Variants in ABL2 observed in about 807,000 individuals in gnomAD.
ABL2 encodes tyrosine-protein kinase ABL2.
In ABL2, 49 loss-of-function variants were observed where a neutral mutation model predicts 107.7. That is an observed-to-expected ratio of 0.45 (90% CI 0.36 to 0.58). The LOEUF (loss-of-function observed/expected upper bound fraction) is 0.58. Among genes scored for constraint, ABL2 ranks in the 20% least tolerant of loss-of-function variants. The pLI, the probability that ABL2 is intolerant of heterozygous loss-of-function variation, is 0.00. For synonymous variants in ABL2, 549 were observed against 548.6 expected, an observed-to-expected ratio of 1.00 and a Z score of -0.01; for missense variants, 1,245 against 1,457.0, an observed-to-expected ratio of 0.85 and a Z score of 2.37.
rs1468030561 is a variant in ABL2 at position 179,109,114 on chromosome 1, T to C, written c.2153A>G (p.Tyr718Cys). 5.1e-6 allele frequency: 7 copies of C among 1,365,870 alleles called. No individual in the cohort carries two copies. The highest frequency in any genetic ancestry group is 4.3e-5 in the Admixed American group (2 of 46,638). The allele number at this position is 1,365,870 out of a possible 1,614,324, so 84.6% of individuals were successfully genotyped here. A position where few individuals can be genotyped will look rare whatever the true frequency, so the allele number is the denominator to read the frequency against. ...QEANLVPPKC[Y>C]GGSFAQRNLC... Reference sequence around the variant, plus strand: ...GTTCCTCTGTGCAAAGCTCCCCCCATAGCACTTGGGTGGCACCAGATTCGC... The same window carrying C: ...GTTCCTCTGTGCAAAGCTCCCCCCACAGCACTTGGGTGGCACCAGATTCGC... The change falls in exon 12 of 12, where the codon TAT becomes TGT. Residue 718 changes from tyrosine (Y) to cysteine (C), a missense_variant. Physicochemically the swap from Tyr to Cys is radical, Grantham distance 194. Coordinates refer to ENST00000502732, the MANE Select transcript of ABL2 (RefSeq NM_007314.4).
At chr1:179,223,743 A>T (rs1471801900) in intron 1 of ABL2, among the ~76,000 whole-genome samples, 1 of 152,120 alleles carries the variant, frequency 6.6e-6, no homozygotes, top group African/African-American at 2.4e-5. Context: ...AGTCACCACA[A>T]TTAAAATTCC....
chr1:179,149,571 T>A (rs1044865227), intron 1 of ABL2, among the ~76,000 whole-genome samples: 8 of 152,234 alleles, frequency 5.3e-5, no homozygotes, highest in African/African-American at 7.2e-5. Context: ...AAAGGACAGG[T>A]TGATTCTCTG....
At chr1:179,112,756 A>AT (rs747910142) in intron 9 of ABL2, among the ~76,000 whole-genome samples, 1,592 of 134,572 alleles carry the variant, frequency 0.012, 17 homozygotes, top group African/African-American at 0.032. Flanking sequence ...CGCCCAGCTA[A>AT]TTTTTTTTTT....
intron 1 of ABL2, among the ~76,000 whole-genome samples, chr1:179,147,361 G>C (rs1366136209): frequency 6.6e-6 from 1 of 151,932 alleles, no homozygotes; most frequent in Admixed American, 6.6e-5. Flanking sequence ...CCCACTACTG[G>C]GTATCTACCC....
Position 179,133,409 on chromosome 1 carries a change from T to A in ABL2, c.158-35A>T, listed in dbSNP as rs748030160. 2.5e-6 allele frequency: 4 copies of A among 1,613,902 alleles called. No homozygotes were observed. The African/African-American group carries it at 5.3e-5, about 22-fold the overall frequency. ...AAAAAAATTGACCACGTCACTTTTC[T>A]TAAGCTTCTTCAATAGTTTAACATC... On this transcript the variant is annotated intron_variant, in intron 1 of 11. Transcript: ENST00000502732.
At chr1:179,166,270 T>A (rs936828916) in intron 1 of ABL2, among the ~76,000 whole-genome samples, 1 of 152,038 alleles carries the variant, frequency 6.6e-6, no homozygotes, top group African/African-American at 2.4e-5. Flanking sequence ...AAAAAAAGCT[T>A]CTGCACAGCA....
At chr1:179,205,726 G>C (rs1028266037) in intron 1 of ABL2, among the ~76,000 whole-genome samples, 1 of 152,180 alleles carries the variant, frequency 6.6e-6, no homozygotes, top group African/African-American at 2.4e-5. Flanking sequence ...GGCGGGTAAG[G>C]GGGATTGTTG....
chr1:179,148,199 C>T (rs1178922666), intron 1 of ABL2, among the ~76,000 whole-genome samples: 2 of 151,960 alleles, frequency 1.3e-5, no homozygotes, highest in African/African-American at 4.8e-5. Context: ...CCATCACCCC[C>T]GGCTAATTTT....
In ABL2 at chr1:179,229,254, G is replaced by A. The variant is rs923070533; in HGVS notation, c.144C>T (p.Ile48=). The change falls in exon 1 of 12, where the codon ATC becomes ATT. Residue 48 remains isoleucine, a synonymous_variant. Coordinates refer to ENST00000502732, the MANE Select transcript of ABL2 (RefSeq NM_007314.4). ...AGACACACTCACCATGCTGGGTGAA[G>A]ATATTGAAGCCGGTCTCTGTGGTGC... The part of the protein sequence containing the change: ...AGRTTETGFN[I]FTQHDHFASC... 3.2e-6 allele frequency: 5 copies of A among 1,547,618 alleles called. No homozygotes were observed. The highest frequency in any genetic ancestry group is 1.4e-5 in the African/African-American group (1 of 71,048).
intron 1 of ABL2, among the ~76,000 whole-genome samples, chr1:179,213,585 G>A (rs1443169512): frequency 1.3e-5 from 2 of 152,112 alleles, no homozygotes; most frequent in Non-Finnish European, 2.9e-5. Flanking sequence ...ACAGGTGTGA[G>A]CCACCACTCC....
rs1655717132 is a variant in ABL2 at position 179,126,328 on chromosome 1, TCA to T, written c.687+47_687+48del. The T allele has an allele frequency of 3.2e-6, 5 of 1,551,832 alleles. No individual in the cohort carries two copies. Among genetic ancestry groups the T allele is most frequent in the South Asian group, 1.1e-5 (1 of 87,028 alleles). On this transcript the variant is annotated intron_variant, in intron 4 of 11. Transcript: ENST00000502732. This position sits in a 1 kb window ranked among gnomAD's most constrained non-coding sequence, Gnocchi z 4.4. ...CACTTCAATCACGTTGAATATTATT[TCA>T]CAGAGTAGCCAGTCCATGCTTAAAG...
At chr1:179,135,584 C>T (rs1168669004) in intron 1 of ABL2, among the ~76,000 whole-genome samples, 8 of 151,924 alleles carry the variant, frequency 5.3e-5, no homozygotes, top group Non-Finnish European at 1.5e-5. Context: ...GCAGCCACCT[C>T]GTCCGGGAGG....
In ABL2 at chr1:179,102,783, G is replaced by T. The variant is rs1325194; in HGVS notation, c.*4935C>A. The T allele has an allele frequency of 0.76, 174,224 of 228,266 alleles. 67,701 individuals are homozygous for T. The highest frequency in any genetic ancestry group is 0.95 in the African/African-American group (42,836 of 45,166). 14.1% of individuals were successfully genotyped at this position (228,266 alleles called of 1,614,324 possible). A position where few individuals can be genotyped will look rare whatever the true frequency, so the allele number is the denominator to read the frequency against. ...GCTATAATTCAGAAGTGGCCACCAA[G>T]GCAATTTACTTTTGAGTATTTTATA... On this transcript the variant is annotated 3_prime_UTR_variant, in exon 12 of 12. Coordinates refer to ENST00000502732, the MANE Select transcript of ABL2 (RefSeq NM_007314.4).
chr1:179,207,400 C>G (rs930826196), intron 1 of ABL2, among the ~76,000 whole-genome samples: 1 of 152,084 alleles, frequency 6.6e-6, no homozygotes, highest in Non-Finnish European at 1.5e-5. Flanking sequence ...ACAGAACAAG[C>G]CTGATACAAT....
chr1:179,223,856 G>A (rs375752875), intron 1 of ABL2, among the ~76,000 whole-genome samples: 6 of 151,372 alleles, frequency 4.0e-5, no homozygotes, highest in South Asian at 4.2e-4. Context: ...GGCCGGGTGC[G>A]GTGGCTCACA....
At chr1:179,138,619 A>G (rs1657266057) in intron 1 of ABL2, among the ~76,000 whole-genome samples, 1 of 152,032 alleles carries the variant, frequency 6.6e-6, no homozygotes, top group African/African-American at 2.4e-5. Flanking sequence ...CATCTTTTCA[A>G]ATGTTGAGGC....
intron 1 of ABL2, among the ~76,000 whole-genome samples, chr1:179,201,067 T>C (rs534430739): frequency 6.6e-6 from 1 of 152,288 alleles, no homozygotes; most frequent in African/African-American, 2.4e-5. Flanking sequence ...TTAGGCACAA[T>C]GGGCCACTCT....
chr1:179,135,372 T>C (rs1472541283), intron 1 of ABL2, among the ~76,000 whole-genome samples: 3 of 150,186 alleles, frequency 2.0e-5, no homozygotes, highest in Non-Finnish European at 1.5e-5. Context: ...GGGGAGCACC[T>C]CTGCCCTGCC....
chr1:179,133,375 C>G lies in ABL2; in HGVS notation c.158-1G>C, dbSNP rs751935905. On this transcript the variant is annotated splice_acceptor_variant, in intron 1 of 11. Transcript: ENST00000502732. LOFTEE classifies it high-confidence loss of function. Reference sequence around the variant, plus strand: ...TCCTCCACACAGCTGGCAAAGTGATCTATTTAAGAAAAAAATTGACCACGT... The same window carrying G: ...TCCTCCACACAGCTGGCAAAGTGATGTATTTAAGAAAAAAATTGACCACGT... The G allele has an allele frequency of 1.9e-6, 3 of 1,613,952 alleles. No individual in the cohort carries two copies. The African/African-American group carries it at 4.0e-5, about 22-fold the overall frequency.
Sources: allele counts gnomAD v4.1 joint callset (sites outside exome capture counted in the v4.1 genomes callset), GRCh38; gene constraint gnomAD v4.1.1; non-coding constraint Gnocchi (gnomAD v3.1); transcripts MANE v1.5; gene names NCBI Gene and HGNC (gene_info 2026-07-23, HGNC 2026-07-21).